Variants in MCF2L2 observed in about 807,000 individuals in gnomAD.
MCF2L2 encodes the protein MCF.2 cell line derived transforming sequence-like 2, also known as probable guanine nucleotide exchange factor MCF2L2.
Under a neutral mutation model 150.2 loss-of-function variants are expected in MCF2L2, and 102 were observed. That is an observed-to-expected ratio of 0.68 (90% CI 0.58 to 0.80). The LOEUF (loss-of-function observed/expected upper bound fraction) is 0.80. MCF2L2 is among the 30% of genes least tolerant of loss of function. The pLI, the probability that MCF2L2 is intolerant of heterozygous loss-of-function variation, is 0.00. For missense variants in MCF2L2, 1,256 were observed against 1,372.8 expected (o/e 0.91, Z 1.34); for synonymous variants, 465 against 491.3 (o/e 0.95, Z 0.71).
chr3:183,303,958 C>A (rs968994833), intron 10 of MCF2L2, among the ~76,000 whole-genome samples: 4 of 152,136 alleles, frequency 2.6e-5, no homozygotes, highest in Admixed American at 1.3e-4. Context: ...TCTGCTGCAA[C>A]CATACTAATT....
chr3:183,191,826 G>GTTTA (rs1031312596), intron 27 of MCF2L2, among the ~76,000 whole-genome samples: 2 of 151,946 alleles, frequency 1.3e-5, no homozygotes, highest in Admixed American at 6.6e-5. Flanking sequence ...GCCATTGTTT[G>GTTTA]TTTATTTATT....
Position 183,269,759 on chromosome 3 carries a change from G to A in MCF2L2, c.1862+7113C>T, listed in dbSNP as rs371669783. 1.9e-6 allele frequency: 3 copies of A among 1,559,722 alleles called. No individual in the cohort carries two copies. The African/African-American group carries it at 4.1e-5, about 21-fold the overall frequency. On this transcript the variant is annotated intron_variant, in intron 15 of 29. Transcript: ENST00000328913. ...TATGGTCTCGAAGAAGCCCGTGCCT[G>A]TTTAAAACTGATCCTAACTAAAAAC...
intron 1 of MCF2L2, among the ~76,000 whole-genome samples, chr3:183,406,434 T>C (rs998026395): frequency 2.0e-5 from 3 of 152,228 alleles, no homozygotes; most frequent in African/African-American, 7.2e-5. Flanking sequence ...TTACTCAGCT[T>C]GAGAGTTCTT....
intron 25 of MCF2L2, among the ~76,000 whole-genome samples, chr3:183,199,199 A>G (rs1018924239): frequency 1.6e-4 from 24 of 152,220 alleles, no homozygotes; most frequent in African/African-American, 5.8e-4. Context: ...ATCATAGAAG[A>G]CCTAGAAAAA....
chr3:183,348,831 T>G (rs1220096448), intron 3 of MCF2L2, among the ~76,000 whole-genome samples: 1 of 152,204 alleles, frequency 6.6e-6, no homozygotes, highest in Non-Finnish European at 1.5e-5. Flanking sequence ...GAATCCTAAA[T>G]GTCTAAGCGT....
At chr3:183,380,801 C>G (rs1329553002) in intron 2 of MCF2L2, among the ~76,000 whole-genome samples, 1 of 151,880 alleles carries the variant, frequency 6.6e-6, no homozygotes, top group Non-Finnish European at 1.5e-5. Flanking sequence ...GAATAAAAAG[C>G]AAAAACAGTG....
chr3:183,226,915 C>T (rs775145264), intron 18 of MCF2L2: 8 of 152,180 alleles, frequency 5.3e-5, no homozygotes, highest in Non-Finnish European at 8.8e-5. Flanking sequence ...TGCTTTGACA[C>T]AAAGCCTATG....
At chr3:183,393,677 C>T (rs1714290633) in intron 1 of MCF2L2, among the ~76,000 whole-genome samples, 1 of 152,210 alleles carries the variant, frequency 6.6e-6, no homozygotes, top group African/African-American at 2.4e-5. Context: ...CAGACGGTAT[C>T]AAAGGCCAAA....
At chr3:183,391,664 C>T (rs1254347328) in intron 1 of MCF2L2, among the ~76,000 whole-genome samples, 1 of 152,098 alleles carries the variant, frequency 6.6e-6, no homozygotes, top group Non-Finnish European at 1.5e-5. Flanking sequence ...ATTATTGAAG[C>T]TGGTTGATGG....
At position 183,283,734 on chromosome 3, in the gene MCF2L2, C is replaced by G. The variant is rs1183198083; in HGVS notation, c.1776+5386G>C. On this transcript the variant is annotated intron_variant, in intron 14 of 29. Coordinates refer to ENST00000328913, the MANE Select transcript of MCF2L2 (RefSeq NM_015078.4). This position sits in a 1 kb window ranked among gnomAD's most constrained non-coding sequence, Gnocchi z 4.2. ...ACGAGGTTTCACCATGTTGGTCAGT[C>G]TGGTCTTGAACTCCTGAACTCAGGT... 6.6e-6 allele frequency among the ~76,000 whole-genome samples: 1 copy of G among 152,108 alleles called. No homozygotes were observed. Among genetic ancestry groups the G allele is most frequent in the Admixed American group, 6.6e-5 (1 of 15,260 alleles).
intron 7 of MCF2L2, among the ~76,000 whole-genome samples, chr3:183,316,462 A>G (rs567988437): frequency 6.7e-4 from 102 of 151,372 alleles, no homozygotes; most frequent in Non-Finnish European, 1.2e-3. Context: ...CTCCTGCCTC[A>G]GCCTCCTGAA....
At chr3:183,408,464 G>A (rs1715156020) in intron 1 of MCF2L2, among the ~76,000 whole-genome samples, 1 of 152,188 alleles carries the variant, frequency 6.6e-6, no homozygotes, top group South Asian at 2.1e-4. Context: ...AGTGGAGGTG[G>A]TGGCCTGGTT....
chr3:183,347,794 G>GA (rs1368450312), intron 3 of MCF2L2, among the ~76,000 whole-genome samples: 3 of 152,120 alleles, frequency 2.0e-5, no homozygotes, highest in Admixed American at 6.6e-5. Context: ...ACAAACATAT[G>GA]AAAAAAAGCT....
Position 183,179,616 on chromosome 3 carries a change from C to T in MCF2L2, c.3182G>A (p.Ser1061Asn), listed in dbSNP as rs766189304. 3.1e-6 allele frequency: 5 copies of T among 1,614,060 alleles called. No individual in the cohort carries two copies. Among genetic ancestry groups the T allele is most frequent in the Non-Finnish European group, 3.4e-6 (4 of 1,180,012 alleles). Residue 1061 changes from serine (S) to asparagine (N), a missense_variant, in exon 29 of 30, where the codon AGC (serine) becomes AAC (asparagine). Transcript: ENST00000328913. The surrounding 1 kb of genome is among the most constrained non-coding windows in gnomAD (Gnocchi z 4.2). The part of the protein sequence containing the change: ...SKSAFLERGE[S>N]SQGEKEERDE... ...GCGTTCTTCTTTTTCTCCCTGGCTG[C>T]TTTCTCCCCTCTCCAGGAAAGCAGA...
chr3:183,323,262 G>A lies in MCF2L2; in HGVS notation c.576C>T (p.Arg192=). The A allele has an allele frequency of 6.2e-7, 1 of 1,613,250 alleles. No individual in the cohort carries two copies. The highest frequency in any genetic ancestry group is 8.5e-7 in the Non-Finnish European group (1 of 1,179,356). The change falls in exon 6 of 30, where the codon CGC becomes CGT. Residue 192 remains arginine, a synonymous_variant. Coordinates refer to ENST00000328913, the MANE Select transcript of MCF2L2 (RefSeq NM_015078.4). The part of the protein sequence containing the change: ...TRELGGTLEY[R]HGQWVNHRTA... ...TGCGGTGATTTACCCACTGACCGTGGCGATATTCCAAAGTCCCCCCTAATT... is the reference window on the plus strand; with the variant it reads ...TGCGGTGATTTACCCACTGACCGTGACGATATTCCAAAGTCCCCCCTAATT...
chr3:183,412,794 G>C (rs1389184815), intron 1 of MCF2L2, among the ~76,000 whole-genome samples: 2 of 152,010 alleles, frequency 1.3e-5, no homozygotes, highest in African/African-American at 2.4e-5. Flanking sequence ...GGACATCCTT[G>C]CCTTGTTCCT....
intron 1 of MCF2L2, among the ~76,000 whole-genome samples, chr3:183,404,425 G>C (rs796775106): frequency 6.6e-6 from 1 of 152,188 alleles, no homozygotes; most frequent in Non-Finnish European, 1.5e-5. Context: ...AATCACAAGT[G>C]CTGATAAACA....
At chr3:183,183,917 A>AACAC (rs35802540) in intron 27 of MCF2L2, among the ~76,000 whole-genome samples, 11,205 of 151,176 alleles carry the variant, frequency 0.074, 579 homozygotes, top group Middle Eastern at 0.17. Flanking sequence ...AAACAGAGCA[A>AACAC]ACACACACAC....
chr3:183,289,817 C>T (rs531438704), intron 13 of MCF2L2, among the ~76,000 whole-genome samples: 1 of 152,338 alleles, frequency 6.6e-6, no homozygotes, highest in Admixed American at 6.5e-5. Context: ...GATTGCGCCA[C>T]TGCACTCCAG....
Sources: allele counts gnomAD v4.1 joint callset (sites outside exome capture counted in the v4.1 genomes callset), GRCh38; gene constraint gnomAD v4.1.1; non-coding constraint Gnocchi (gnomAD v3.1); transcripts MANE v1.5; gene names NCBI Gene and HGNC (gene_info 2026-07-23, HGNC 2026-07-21).